The following NALF1 variants were observed in gnomAD, a reference collection of about 807,000 sequenced individuals.
NALF1 encodes the protein NALCN channel auxiliary factor 1.
NALF1 carries 3 observed loss-of-function variants against 48.4 expected under a neutral mutation model. The ratio of observed to expected loss-of-function variants is 0.06; its 90% CI spans 0.03 to 0.16. The LOEUF is 0.16. NALF1 is among the 10% of genes least tolerant of loss of function. The pLI, the probability that NALF1 is intolerant of heterozygous loss-of-function variation, is 1.00. For missense variants in NALF1, 526 were observed against 571.5 expected (o/e 0.92, Z 0.81); for synonymous variants, 262 against 245.7 (o/e 1.07, Z -0.62).
At chr13:107,508,644 C>T (rs1875777534) in intron 1 of NALF1, among the ~76,000 whole-genome samples, 1 of 151,972 alleles carries the variant, frequency 6.6e-6, no homozygotes, top group South Asian at 2.1e-4. Context: ...CTTTCAAATT[C>T]AAGTTGTTTT....
At chr13:107,344,998 A>T (rs1882747606) in intron 1 of NALF1, among the ~76,000 whole-genome samples, 1 of 152,134 alleles carries the variant, frequency 6.6e-6, no homozygotes, top group Non-Finnish European at 1.5e-5. Flanking sequence ...AAGAATACCA[A>T]ATGAACTCTC....
chr13:107,527,543 G>T (rs901199243), intron 1 of NALF1, among the ~76,000 whole-genome samples: 5 of 152,118 alleles, frequency 3.3e-5, no homozygotes, highest in Non-Finnish European at 5.9e-5. Flanking sequence ...AGATTTATAC[G>T]CCTCAATTTA....
At chr13:107,288,914 GTTCT>G (rs930878465) in intron 1 of NALF1, among the ~76,000 whole-genome samples, 1 of 152,092 alleles carries the variant, frequency 6.6e-6, no homozygotes, top group Admixed American at 6.5e-5. Context: ...TGTTCTTTAT[GTTCT>G]TTATTTGCTA....
chr13:107,588,774 T>C (rs906927863), intron 1 of NALF1, among the ~76,000 whole-genome samples: 1 of 152,050 alleles, frequency 6.6e-6, no homozygotes, highest in Non-Finnish European at 1.5e-5. Context: ...TCTGCATAGG[T>C]ACAAAACTGA....
At chr13:107,224,286 T>A (rs1880056128) in intron 1 of NALF1, among the ~76,000 whole-genome samples, 1 of 151,698 alleles carries the variant, frequency 6.6e-6, no homozygotes. Context: ...AGCACATATA[T>A]CATGATGCAA....
chr13:107,771,377 C>T (rs1877571631), intron 1 of NALF1, among the ~76,000 whole-genome samples: 1 of 151,736 alleles, frequency 6.6e-6, no homozygotes, highest in Middle Eastern at 3.4e-3. Context: ...TACTTAATGG[C>T]TATCAACTGG....
At chr13:107,210,049 CTTG>C (rs1460486477) in intron 2 of NALF1, among the ~76,000 whole-genome samples, 2 of 141,632 alleles carry the variant, frequency 1.4e-5, no homozygotes, top group Non-Finnish European at 3.0e-5. Context: ...AATGGATAGA[CTTG>C]TTGTGTGGCT....
chr13:107,480,083 G>C (rs1285560223), intron 1 of NALF1, among the ~76,000 whole-genome samples: 5 of 152,140 alleles, frequency 3.3e-5, no homozygotes, highest in Admixed American at 2.0e-4. Flanking sequence ...CTAATCAGTA[G>C]AGGGGATCAC....
intron 1 of NALF1, among the ~76,000 whole-genome samples, chr13:107,775,680 A>G (rs1200305363): frequency 4.6e-5 from 7 of 151,866 alleles, no homozygotes; most frequent in Non-Finnish European, 2.9e-5. Flanking sequence ...CAACAGTGTA[A>G]AAGTGTTCCT....
At chr13:107,342,630 C>T (rs181918423) in intron 1 of NALF1, among the ~76,000 whole-genome samples, 1 of 152,114 alleles carries the variant, frequency 6.6e-6, no homozygotes, top group African/African-American at 2.4e-5. Flanking sequence ...TGGAGAGATA[C>T]AAACGAGTAG....
At chr13:107,192,789 T>C (rs1279146650) in intron 2 of NALF1, among the ~76,000 whole-genome samples, 4 of 152,300 alleles carry the variant, frequency 2.6e-5, no homozygotes, top group African/African-American at 9.6e-5. Context: ...CCATATAATA[T>C]ACTTCTGGTG....
rs55738590 is a variant in NALF1, at chr13:107,283,450, T to TAA, written c.916-72697_916-72696dup. 2.8e-4 allele frequency among the ~76,000 whole-genome samples: 41 copies of TAA among 148,168 alleles called. 1 individual carries two copies. Among genetic ancestry groups the TAA allele is most frequent in the Admixed American group, 6.1e-4 (9 of 14,872 alleles). The stretch of plus-strand genomic sequence containing the variant: ...GACAGCAACCAGGTGAATGCTGAGT[T>TAA]AAAAAAAAAAATTGGCAACACAAAT... On this transcript the variant is annotated intron_variant, in intron 1 of 2. Transcript: ENST00000375915.
At chr13:107,631,918 T>A (rs1879846771) in intron 1 of NALF1, among the ~76,000 whole-genome samples, 1 of 152,176 alleles carries the variant, frequency 6.6e-6, no homozygotes, top group Non-Finnish European at 1.5e-5. Context: ...GACTCTGTCT[T>A]CTTCAATCTC....
At chr13:107,614,208 A>G (rs1384780732) in intron 1 of NALF1, among the ~76,000 whole-genome samples, 1 of 152,230 alleles carries the variant, frequency 6.6e-6, no homozygotes, top group African/African-American at 2.4e-5. Flanking sequence ...AAATCTTGAA[A>G]CACATACTCA....
intron 1 of NALF1, among the ~76,000 whole-genome samples, chr13:107,234,075 T>G (rs953897979): frequency 1.3e-5 from 2 of 152,198 alleles, no homozygotes; most frequent in African/African-American, 4.8e-5. Context: ...GGTTTCCATA[T>G]CCAGAGTTTC....
chr13:107,841,650 AAC>A (rs987501831), intron 1 of NALF1, among the ~76,000 whole-genome samples: 39 of 151,698 alleles, frequency 2.6e-4, no homozygotes, highest in African/African-American at 8.0e-4. Context: ...AAAAAAAAAA[AAC>A]ATAAGAAGTT....
intron 1 of NALF1, among the ~76,000 whole-genome samples, chr13:107,505,894 G>A (rs1429754193): frequency 1.3e-5 from 2 of 152,022 alleles, no homozygotes; most frequent in African/African-American, 2.4e-5. Context: ...TTAAAAACTC[G>A]GTGGAGAGAG....
chr13:107,818,035 T>C (rs1879222701), intron 1 of NALF1, among the ~76,000 whole-genome samples: 1 of 152,218 alleles, frequency 6.6e-6, no homozygotes, highest in Non-Finnish European at 1.5e-5. Flanking sequence ...ATAAAAGGTA[T>C]ATCCCTATCC....
chr13:107,704,525 C>G (rs919482626), intron 1 of NALF1, among the ~76,000 whole-genome samples: 1 of 151,674 alleles, frequency 6.6e-6, no homozygotes, highest in African/African-American at 2.4e-5. Flanking sequence ...TTTTTAGTTC[C>G]CTGGCAGTTG....
Sources: allele counts gnomAD v4.1 joint callset (sites outside exome capture counted in the v4.1 genomes callset), GRCh38; gene constraint gnomAD v4.1.1; transcripts MANE v1.5; gene names NCBI Gene and HGNC (gene_info 2026-07-23, HGNC 2026-07-21).